The following RASGRP2 variants were observed in gnomAD, a reference collection of about 807,000 sequenced individuals.
The protein encoded by RASGRP2 is RAS guanyl releasing protein 2.
In RASGRP2, 44 loss-of-function variants were observed where a neutral mutation model predicts 71.0. The ratio of observed to expected loss-of-function variants is 0.62; its 90% CI spans 0.49 to 0.80. RASGRP2 has a LOEUF of 0.80. RASGRP2 is among the 30% of genes least tolerant of loss of function. The probability of loss-of-function intolerance (pLI) is 0.00; values close to 1 mark genes in which losing one functional copy is unlikely to be tolerated. For synonymous variants in RASGRP2, 350 were observed against 330.7 expected, an observed-to-expected ratio of 1.06 and a Z score of -0.63; for missense variants, 663 against 813.4, an observed-to-expected ratio of 0.82 and a Z score of 2.25.
chr11:64,739,209 A>G lies in RASGRP2; in HGVS notation c.813+151T>C, dbSNP rs1218676411. On this transcript the variant is annotated intron_variant, in intron 8 of 16. Coordinates refer to ENST00000394432, the MANE Select transcript of RASGRP2 (RefSeq NM_001098671.2). The surrounding 1 kb of genome is among the most constrained non-coding windows in gnomAD (Gnocchi z 4.2). Reference sequence around the variant, plus strand: ...TGTGAGCCCCCACTCTGCTGTTGCCATTGTGCAAACTGAGAAAAGCACTTA... The same window carrying G: ...TGTGAGCCCCCACTCTGCTGTTGCCGTTGTGCAAACTGAGAAAAGCACTTA... 8 of 684,900 alleles carry G rather than the reference A, an allele frequency of 1.2e-5. No individual in the cohort carries two copies. In the Admixed American group the frequency reaches 1.5e-4, roughly 13 times the overall value. 42.4% of individuals were successfully genotyped at this position (684,900 alleles called of 1,614,324 possible).
Position 64,742,259 on chromosome 11 carries a change from G to A in RASGRP2, c.74-147C>T. Reference sequence around the variant, plus strand: ...TGCTTGCCCAGGACTCCGAGAGCAGGAGGCAAATTAGAGAGGAAAGGTGTG... The same window carrying A: ...TGCTTGCCCAGGACTCCGAGAGCAGAAGGCAAATTAGAGAGGAAAGGTGTG... On this transcript the variant is annotated intron_variant, in intron 2 of 16. Coordinates refer to ENST00000394432, the MANE Select transcript of RASGRP2 (RefSeq NM_001098671.2). The surrounding 1 kb of genome is among the most constrained non-coding windows in gnomAD (Gnocchi z 4.7). The A allele has an allele frequency of 2.8e-6, 2 of 714,360 alleles. No individual in the cohort carries two copies. Among genetic ancestry groups the A allele is most frequent in the Non-Finnish European group, 5.1e-6 (2 of 391,780 alleles). The allele number at this position is 714,360 out of a possible 1,614,324, so 44.3% of individuals were successfully genotyped here.
chr11:64,739,306 G>A lies in RASGRP2; in HGVS notation c.813+54C>T. The A allele has an allele frequency of 1.5e-6, 2 of 1,358,848 alleles. No homozygotes were observed. The highest frequency in any genetic ancestry group is 2.1e-6 in the Non-Finnish European group (2 of 947,724). The allele number at this position is 1,358,848 out of a possible 1,614,324, so 84.2% of individuals were successfully genotyped here. A position where few individuals can be genotyped will look rare whatever the true frequency, so the allele number is the denominator to read the frequency against. ...TGCCCAGCCCCCAGTGCTGCTGGGA[G>A]GACCCAGTGAAGACAGACCTGGGAA... On this transcript the variant is annotated intron_variant, in intron 8 of 16. Transcript: ENST00000394432. This position sits in a 1 kb window ranked among gnomAD's most constrained non-coding sequence, Gnocchi z 4.2.
intron 8 of RASGRP2, chr11:64,737,351 T>A: frequency 2.5e-6 from 1 of 401,434 alleles, no homozygotes. Flanking sequence ...AAGAACATAC[T>A]CAGCCACCCC....
Position 64,730,172 on chromosome 11 carries a change from C to T in RASGRP2, c.1435G>A (p.Glu479Lys). Residue 479 changes from glutamate to lysine, a missense_variant, in exon 13 of 17, where the codon GAG (glutamate) becomes AAG (lysine). Glu to Lys is a moderately conservative substitution (Grantham distance 56). Transcript: ENST00000394432. ...QNQDGCISREEMVSYFLRSSS... is the reference protein window; with the variant it reads ...QNQDGCISREKMVSYFLRSSS... ...GAGCGCAGGAAATAGGAAACCATCTCCTCCCTGCTGATGCAGCCATCCCTG... is the reference window on the plus strand; with the variant it reads ...GAGCGCAGGAAATAGGAAACCATCTTCTCCCTGCTGATGCAGCCATCCCTG... 6.4e-7 allele frequency: 1 copy of T among 1,551,684 alleles called. No homozygotes were observed. Among genetic ancestry groups the T allele is most frequent in the East Asian group, 2.4e-5 (1 of 40,924 alleles).
At position 64,740,188 on chromosome 11, in the gene RASGRP2, C is replaced by T. The variant is rs762413842; in HGVS notation, c.372-25G>A. 6.6e-5 allele frequency: 107 copies of T among 1,613,814 alleles called. No homozygotes were observed. The South Asian group carries it at 1.0e-3, about 16-fold the overall frequency. ...GCTGGGGGGGCAGGGGTAGTGAGCCCTTTGCTGGACATGCGCATGACTCGT... is the reference window on the plus strand; with the variant it reads ...GCTGGGGGGGCAGGGGTAGTGAGCCTTTTGCTGGACATGCGCATGACTCGT... On this transcript the variant is annotated intron_variant, in intron 5 of 16. Coordinates refer to ENST00000394432, the MANE Select transcript of RASGRP2 (RefSeq NM_001098671.2).
In RASGRP2 at chr11:64,735,321, G is replaced by A; in HGVS notation, c.1297-94C>T. 2 of 1,263,588 alleles carry A rather than the reference G, an allele frequency of 1.6e-6. No homozygotes were observed. Among genetic ancestry groups the A allele is most frequent in the Non-Finnish European group, 2.3e-6 (2 of 870,338 alleles). The allele number at this position is 1,263,588 out of a possible 1,614,324, so 78.3% of individuals were successfully genotyped here. ...TTCCCACGTTCCCAGTCCATTTGAT[G>A]AGGTGTGTCTCAGAGAGGTCTCTGA... On this transcript the variant is annotated intron_variant, in intron 11 of 16. Transcript: ENST00000394432. The surrounding 1 kb of genome is among the most constrained non-coding windows in gnomAD (Gnocchi z 4.2).
intron 16 of RASGRP2, 32 bp downstream of exon 16, chr11:64,727,264 G>A (rs747393947): frequency 2.5e-6 from 4 of 1,599,900 alleles, no homozygotes; most frequent in Admixed American, 1.7e-5. Context: ...CCCTCAGTGG[G>A]GAGCTCTGGT....
chr11:64,742,424 T>G lies in RASGRP2; in HGVS notation c.74-312A>C, dbSNP rs2058159158. On this transcript the variant is annotated intron_variant, in intron 2 of 16. Coordinates refer to ENST00000394432, the MANE Select transcript of RASGRP2 (RefSeq NM_001098671.2). This position sits in a 1 kb window ranked among gnomAD's most constrained non-coding sequence, Gnocchi z 4.7. ...ATCCAGAGGTCATTTCCTGAGCGCT[T>G]GGGGGGAAGGGGCACCCCTTCACCA... is the stretch of plus-strand genomic sequence containing the variant. 5.3e-6 allele frequency: 3 copies of G among 561,954 alleles called. No homozygotes were observed. The Admixed American group carries it at 9.2e-5, about 17-fold the overall frequency. The allele number at this position is 561,954 out of a possible 1,614,324, so 34.8% of individuals were successfully genotyped here. A position where few individuals can be genotyped will look rare whatever the true frequency, so the allele number is the denominator to read the frequency against.
intron 12 of RASGRP2, among the ~76,000 whole-genome samples, chr11:64,733,748 A>G (rs1386125420): frequency 6.6e-6 from 1 of 152,214 alleles, no homozygotes; most frequent in East Asian, 1.9e-4. Flanking sequence ...GAAGACTGGA[A>G]GAATCCACAT....
At chr11:64,738,844 C>A (rs2058028025) in intron 8 of RASGRP2, among the ~76,000 whole-genome samples, 1 of 151,290 alleles carries the variant, frequency 6.6e-6, no homozygotes, top group South Asian at 2.1e-4. Context: ...CTACAAGTGG[C>A]AAGGCACAAT....
chr11:64,739,896 G>C lies in RASGRP2; in HGVS notation c.523-87C>G. On this transcript the variant is annotated intron_variant, in intron 6 of 16. Transcript: ENST00000394432. This position sits in a 1 kb window ranked among gnomAD's most constrained non-coding sequence, Gnocchi z 4.2. ...CTCACCCTCCAGCTGACCTTCAGTG[G>C]TTACACTGAAACCCCTGATGCACCC... 2 of 1,602,076 alleles carry C rather than the reference G, an allele frequency of 1.2e-6. No homozygotes were observed. The highest frequency in any genetic ancestry group is 1.1e-5 in the South Asian group (1 of 90,564).
chr11:64,741,606 G>C (rs1024199088), intron 3 of RASGRP2, 105 bp from the exon 4 acceptor site: 4 of 1,042,026 alleles, frequency 3.8e-6, no homozygotes, highest in Non-Finnish European at 4.4e-6. Context: ...CTAGGGATGG[G>C]GCTTGCGCTC....
At chr11:64,730,545 A>G (rs1404060706) in intron 12 of RASGRP2, among the ~76,000 whole-genome samples, 1 of 152,256 alleles carries the variant, frequency 6.6e-6, no homozygotes, top group East Asian at 1.9e-4. Flanking sequence ...GGGAGCCCTC[A>G]GCAGGGAGAA....
chr11:64,742,126 G>A lies in RASGRP2; in HGVS notation c.74-14C>T. On this transcript the variant is annotated splice_polypyrimidine_tract_variant and intron_variant, in intron 2 of 16. Transcript: ENST00000394432. This position sits in a 1 kb window ranked among gnomAD's most constrained non-coding sequence, Gnocchi z 4.7. The stretch of plus-strand genomic sequence containing the variant: ...TCCCGGAGTCATCTGACTCCGAAGG[G>A]TCAAAGACAGGTGGCTGAGCTGGGT... The A allele has an allele frequency of 1.3e-6, 2 of 1,568,606 alleles. No individual in the cohort carries two copies. The highest frequency in any genetic ancestry group is 3.4e-4 in the Middle Eastern group (2 of 5,902).
rs2058231697 is a variant in RASGRP2 at position 64,744,090 on chromosome 11, C to G, written c.-159G>C. 1 of 988,126 alleles carries G rather than the reference C, an allele frequency of 1.0e-6. No individual in the cohort carries two copies. Among genetic ancestry groups the G allele is most frequent in the African/African-American group, 1.7e-5 (1 of 57,256 alleles). 61.2% of individuals were successfully genotyped at this position (988,126 alleles called of 1,614,324 possible). ...CTTGAGCCAGGCCAGCCTTGAGTCC[C>G]GCGGCCACACAGGCGCTGACATCCT... On this transcript the variant is annotated 5_prime_UTR_variant, in exon 1 of 17. Coordinates refer to ENST00000394432, the MANE Select transcript of RASGRP2 (RefSeq NM_001098671.2).
chr11:64,740,759 C>A lies in RASGRP2; in HGVS notation c.371+189G>T, dbSNP rs1592383838. ...AGGAGGTGTGTGGGATGGGTGGTGG[C>A]AGTGGAAGATGAGGCAGGAACGCCA... On this transcript the variant is annotated intron_variant, in intron 5 of 16. Transcript: ENST00000394432. 7 of 745,796 alleles carry A rather than the reference C, an allele frequency of 9.4e-6. No individual in the cohort carries two copies. In the East Asian group the frequency reaches 1.6e-4, roughly 17 times the overall value. 46.2% of individuals were successfully genotyped at this position (745,796 alleles called of 1,614,324 possible). A position where few individuals can be genotyped will look rare whatever the true frequency, so the allele number is the denominator to read the frequency against.
chr11:64,744,103 G>C lies in RASGRP2; in HGVS notation c.-172C>G, dbSNP rs1383800073. 1 of 988,358 alleles carries C rather than the reference G, an allele frequency of 1.0e-6. No homozygotes were observed. The allele number at this position is 988,358 out of a possible 1,614,324, so 61.2% of individuals were successfully genotyped here. On this transcript the variant is annotated 5_prime_UTR_variant, in exon 1 of 17. Coordinates refer to ENST00000394432, the MANE Select transcript of RASGRP2 (RefSeq NM_001098671.2). ...AGCCTTGAGTCCCGCGGCCACACAGGCGCTGACATCCTCACACGTGTGCAC... is the reference window on the plus strand; with the variant it reads ...AGCCTTGAGTCCCGCGGCCACACAGCCGCTGACATCCTCACACGTGTGCAC...
Position 64,737,051 on chromosome 11 carries a change from G to A in RASGRP2, c.814-17C>T, listed in dbSNP as rs755032861. 3 of 1,613,350 alleles carry A rather than the reference G, an allele frequency of 1.9e-6. No homozygotes were observed. The highest frequency in any genetic ancestry group is 2.5e-6 in the Non-Finnish European group (3 of 1,179,876). ...CTCCCAGAGCTGGGGACAAAGGACAGAGGAGTCATACCCCCACAACTATCC... is the reference window on the plus strand; with the variant it reads ...CTCCCAGAGCTGGGGACAAAGGACAAAGGAGTCATACCCCCACAACTATCC... On this transcript the variant is annotated splice_polypyrimidine_tract_variant and intron_variant, in intron 8 of 16. Transcript: ENST00000394432.
chr11:64,741,882 G>A (rs1265857061), intron 3 of RASGRP2, 128 bp downstream of exon 3: 8 of 833,972 alleles, frequency 9.6e-6, no homozygotes, highest in Admixed American at 2.0e-5. Context: ...AGGCTGGGAC[G>A]ACGCCTGAGC....
Sources: gnomAD v4.1 joint callset for allele counts (sites outside exome capture counted in the v4.1 genomes callset) on GRCh38, gnomAD v4.1.1 for gene constraint, Gnocchi (gnomAD v3.1) non-coding constraint, MANE v1.5 for transcripts, NCBI Gene and HGNC (gene_info 2026-07-23, HGNC 2026-07-21) for gene names.